Variants in CCDC73 observed in about 807,000 individuals in gnomAD.
CCDC73 encodes coiled-coil domain-containing protein 73.
Under a neutral mutation model 116.5 loss-of-function variants are expected in CCDC73, and 95 were observed. The observed-to-expected ratio is 0.82, with a 90% CI of 0.69 to 0.97. The LOEUF is 0.97. CCDC73 is among the 50% of genes least tolerant of loss of function. The pLI, the probability that CCDC73 is intolerant of heterozygous loss-of-function variation, is 0.00. For synonymous variants in CCDC73, 398 were observed against 401.3 expected (o/e 0.99, Z 0.10); for missense variants, 1,066 against 1,206.8 (o/e 0.88, Z 1.73).
At chr11:32,780,105 C>A (rs1434279691) in intron 1 of CCDC73, among the ~76,000 whole-genome samples, 1 of 151,992 alleles carries the variant, frequency 6.6e-6, no homozygotes, top group Non-Finnish European at 1.5e-5. Flanking sequence ...GAAACCCCAT[C>A]TCTACTAAAA....
At chr11:32,722,436 A>T (rs1849998038) in intron 2 of CCDC73, among the ~76,000 whole-genome samples, 1 of 152,158 alleles carries the variant, frequency 6.6e-6, no homozygotes, top group East Asian at 1.9e-4. Context: ...GATTAAAGTG[A>T]GGACTTATCT....
intron 6 of CCDC73, among the ~76,000 whole-genome samples, chr11:32,684,644 T>C (rs1856177480): frequency 6.6e-6 from 1 of 152,186 alleles, no homozygotes; most frequent in East Asian, 1.9e-4. Flanking sequence ...TTCTTTTTAT[T>C]AGGATAAGTT....
intron 14 of CCDC73, among the ~76,000 whole-genome samples, chr11:32,621,831 A>G (rs1039358620): frequency 3.9e-5 from 6 of 152,248 alleles, no homozygotes; most frequent in Non-Finnish European, 7.3e-5. Flanking sequence ...AAACAACTCT[A>G]TCAAAAAGTG....
chr11:32,613,786 CTCTGTAT>C lies in CCDC73; in HGVS notation c.2525_2531del (p.Asn842ArgfsTer6), dbSNP rs1318857231. 1 of 1,613,770 alleles carries C rather than the reference CTCTGTAT, an allele frequency of 6.2e-7. No homozygotes were observed. The highest frequency in any genetic ancestry group is 8.5e-7 in the Non-Finnish European group (1 of 1,179,892). ...CAATGTCATTTAATGATTCTGTTTTCTCTGTATTATTTAACAATGTATGCTGTCTTTC... is the reference window on the plus strand; with the variant it reads ...CAATGTCATTTAATGATTCTGTTTTCTATTTAACAATGTATGCTGTCTTTC... On this transcript the variant is annotated frameshift_variant, in exon 16 of 18. Coordinates refer to ENST00000335185, the MANE Select transcript of CCDC73 (RefSeq NM_001008391.4). LOFTEE classifies it high-confidence loss of function.
intron 9 of CCDC73, among the ~76,000 whole-genome samples, chr11:32,668,951 A>G: frequency 6.6e-6 from 1 of 152,200 alleles, no homozygotes; most frequent in Non-Finnish European, 1.5e-5. Context: ...AGATGCAAGT[A>G]CACAGTAGAA....
intron 2 of CCDC73, among the ~76,000 whole-genome samples, chr11:32,748,037 T>G (rs772068305): frequency 6.6e-6 from 1 of 152,234 alleles, no homozygotes; most frequent in African/African-American, 2.4e-5. Flanking sequence ...TCAGTCTCCC[T>G]GGGAGCTGTA....
intron 1 of CCDC73, among the ~76,000 whole-genome samples, chr11:32,770,996 G>A (rs964014820): frequency 2.0e-5 from 3 of 152,192 alleles, no homozygotes; most frequent in African/African-American, 4.8e-5. Context: ...AAAATTCAAG[G>A]CAGCCTTATA....
chr11:32,815,961 A>G, the CCDC73 span, among the ~76,000 whole-genome samples: 1 of 152,150 alleles, frequency 6.6e-6, no homozygotes, highest in African/African-American at 2.4e-5. Flanking sequence ...GTTGATGACT[A>G]TTTTGGAGGC....
upstream of CCDC73, among the ~76,000 whole-genome samples, chr11:32,796,435 A>G (rs1850728530): frequency 6.6e-6 from 1 of 152,236 alleles, no homozygotes. Context: ...GTGTTTTTAC[A>G]TACATCATCT....
chr11:32,749,826 A>G (rs1299108483), intron 2 of CCDC73, among the ~76,000 whole-genome samples: 1 of 150,652 alleles, frequency 6.6e-6, no homozygotes, highest in African/African-American at 2.4e-5. Context: ...CAGAAGAATT[A>G]TCTGAATTAC....
intron 1 of CCDC73, among the ~76,000 whole-genome samples, chr11:32,776,634 A>G (rs1483102355): frequency 6.6e-6 from 1 of 151,928 alleles, no homozygotes; most frequent in Non-Finnish European, 1.5e-5. Flanking sequence ...CTAAACCACA[A>G]TAACCCTTCC....
intron 6 of CCDC73, 28 bp downstream of exon 6, chr11:32,699,223 T>G (rs1849787228): frequency 1.9e-6 from 3 of 1,554,578 alleles, no homozygotes; most frequent in South Asian, 1.2e-5. Context: ...ACCAAACTAC[T>G]TTTTAAACAA....
chr11:32,663,098 G>C (rs1365609338), intron 9 of CCDC73, among the ~76,000 whole-genome samples: 1 of 152,198 alleles, frequency 6.6e-6, no homozygotes, highest in East Asian at 1.9e-4. Flanking sequence ...TAGCCTTGTA[G>C]TATAGTTTGA....
Position 32,613,913 on chromosome 11 carries a change from G to C in CCDC73, c.2405C>G (p.Thr802Arg), listed in dbSNP as rs568361428. The change falls in exon 16 of 18, where the codon ACA (threonine) becomes AGA (arginine). Residue 802 changes from threonine (T) to arginine (R), a missense_variant. Coordinates refer to ENST00000335185, the MANE Select transcript of CCDC73 (RefSeq NM_001008391.4). ...VKTAVHMKTC[T>R]ETEFSNKKNQ... ...CTTTTTATTGGAAAACTCTGTTTCT[G>C]TGCAAGTTTTCATGTGAACAGCAGT... 19 of 1,612,468 alleles carry C rather than the reference G, an allele frequency of 1.2e-5. No homozygotes were observed. In the East Asian group the frequency reaches 3.6e-4, roughly 30 times the overall value.
At chr11:32,719,024 T>G (rs911486841) in intron 2 of CCDC73, among the ~76,000 whole-genome samples, 2 of 151,922 alleles carry the variant, frequency 1.3e-5, no homozygotes, top group Admixed American at 1.3e-4. Flanking sequence ...CCAATAAGCA[T>G]CAAGTAAAAA....
In CCDC73 at chr11:32,759,327, CT is replaced by C. The variant is rs1208029392; in HGVS notation, c.135+781del. Among the ~76,000 whole-genome samples, 593 of 129,924 alleles carry C rather than the reference CT, an allele frequency of 4.6e-3. 1 individual carries two copies. The highest frequency in any genetic ancestry group is 0.017 in the East Asian group (74 of 4,350). The allele number at this position is 129,924 out of a possible 152,430, so 85.2% of individuals were successfully genotyped here. Reference sequence around the variant, plus strand: ...AGCCTGCTGAAACCAACATTTTTTCCTTTTTTTTTTTTTTTTTTCTTGAGAT... The same window carrying C: ...AGCCTGCTGAAACCAACATTTTTTCCTTTTTTTTTTTTTTTTTCTTGAGAT... On this transcript the variant is annotated intron_variant, in intron 2 of 17. Coordinates refer to ENST00000335185, the MANE Select transcript of CCDC73 (RefSeq NM_001008391.4).
At position 32,620,907 on chromosome 11, in the gene CCDC73, A is replaced by C. The variant is rs1855518276; in HGVS notation, c.1186-4778T>G. On this transcript the variant is annotated intron_variant, in intron 14 of 17. Transcript: ENST00000335185. ...TAGACAAGCAGAGAGCCAAAACATG[A>C]ATGAACTCCCATTCACAATTGCTAC... Among the ~76,000 whole-genome samples the C allele has an allele frequency of 2.0e-5, 3 of 152,294 alleles. No homozygotes were observed. In the South Asian group the frequency reaches 6.2e-4, roughly 32 times the overall value.
In CCDC73 at chr11:32,614,244, TATC is replaced by T. The variant is rs1445214520; in HGVS notation, c.2071_2073del (p.Asp691del). ...ACAGTTAGTTCAGATTTCTCTAAAG[TATC>T]ATTACAGACTTGCAGAAAATCTGAA... On this transcript the variant is annotated inframe_deletion, in exon 16 of 18. Coordinates refer to ENST00000335185, the MANE Select transcript of CCDC73 (RefSeq NM_001008391.4). The T allele has an allele frequency of 1.2e-6, 2 of 1,613,794 alleles. No homozygotes were observed. The highest frequency in any genetic ancestry group is 8.5e-7 in the Non-Finnish European group (1 of 1,179,758).
At chr11:32,660,775 T>C (rs924411018) in intron 9 of CCDC73, among the ~76,000 whole-genome samples, 1 of 152,002 alleles carries the variant, frequency 6.6e-6, no homozygotes, top group Non-Finnish European at 1.5e-5. Context: ...CAGTGAGTTG[T>C]GATATCGCAC....
Sources: allele counts gnomAD v4.1 joint callset (sites outside exome capture counted in the v4.1 genomes callset), GRCh38; gene constraint gnomAD v4.1.1; transcripts MANE v1.5; gene names NCBI Gene and HGNC (gene_info 2026-07-23, HGNC 2026-07-21).